The following XKR6 variants were observed in gnomAD, a reference collection of about 807,000 sequenced individuals.
XKR6 encodes XK-related protein 6.
Under a neutral mutation model 56.7 loss-of-function variants are expected in XKR6, and 22 were observed. That is an observed-to-expected ratio of 0.39 (90% confidence interval 0.28 to 0.55). XKR6 has a LOEUF of 0.55. XKR6 is among the 20% of genes least tolerant of loss of function. The probability of loss-of-function intolerance (pLI) is 0.66; values close to 1 mark genes in which losing one functional copy is unlikely to be tolerated. For synonymous variants in XKR6, 524 were observed against 387.8 expected, an observed-to-expected ratio of 1.35 and a Z score of -4.13; for missense variants, 852 against 889.0, an observed-to-expected ratio of 0.96 and a Z score of 0.53.
At position 11,122,378 on chromosome 8, in the gene XKR6, T is replaced by C. The variant is rs114494497; in HGVS notation, c.764+78198A>G. On this transcript the variant is annotated intron_variant, in intron 1 of 2. Transcript: ENST00000416569. Reference sequence around the variant, plus strand: ...GCCCCAAATCAACACTAACCAGAGATAGAATACTTTAGTTATATAGCTGAA... The same window carrying C: ...GCCCCAAATCAACACTAACCAGAGACAGAATACTTTAGTTATATAGCTGAA... Among the ~76,000 whole-genome samples the C allele has an allele frequency of 3.2e-3, 492 of 152,334 alleles. 3 individuals are homozygous for C. Among genetic ancestry groups the C allele is most frequent in the African/African-American group, 0.011 (469 of 41,568 alleles).
intron 1 of XKR6, among the ~76,000 whole-genome samples, chr8:10,988,467 A>T (rs1797913893): frequency 6.6e-6 from 1 of 152,230 alleles, no homozygotes; most frequent in Non-Finnish European, 1.5e-5. Flanking sequence ...ACACACAGAC[A>T]CTACCTCCAT....
intron 1 of XKR6, among the ~76,000 whole-genome samples, chr8:11,116,705 A>C (rs1029530095): frequency 8.5e-5 from 13 of 152,200 alleles, no homozygotes; most frequent in Non-Finnish European, 1.6e-4. Context: ...AACTAAAAGC[A>C]GCTGAGAGGT....
At chr8:11,186,763 G>A (rs1406938893) in intron 1 of XKR6, among the ~76,000 whole-genome samples, 1 of 152,128 alleles carries the variant, frequency 6.6e-6, no homozygotes, top group Non-Finnish European at 1.5e-5. Context: ...GTTGAGCCCT[G>A]AGGATGTCGA....
At chr8:10,913,384 A>G (rs1800465741) in intron 2 of XKR6, among the ~76,000 whole-genome samples, 2 of 152,056 alleles carry the variant, frequency 1.3e-5, no homozygotes, top group Admixed American at 6.5e-5. Flanking sequence ...AATGAGGCTC[A>G]CAGAGGTTAA....
chr8:10,908,363 C>T (rs1274876541), intron 2 of XKR6, among the ~76,000 whole-genome samples: 1 of 147,594 alleles, frequency 6.8e-6, no homozygotes, highest in Non-Finnish European at 1.5e-5. Flanking sequence ...GCCGGCAGGG[C>T]TGCCCTGCCA....
chr8:11,121,538 G>A (rs1799453414), intron 1 of XKR6, among the ~76,000 whole-genome samples: 1 of 152,208 alleles, frequency 6.6e-6, no homozygotes, highest in South Asian at 2.1e-4. Flanking sequence ...GGAAACAACA[G>A]GTGCTGGAGA....
chr8:11,174,654 G>A (rs547457855), intron 1 of XKR6, among the ~76,000 whole-genome samples: 1 of 152,328 alleles, frequency 6.6e-6, no homozygotes, highest in South Asian at 2.1e-4. Context: ...GTTACAAAGA[G>A]CACCAAGTGT....
chr8:10,952,931 A>C (rs1340934973), intron 1 of XKR6, among the ~76,000 whole-genome samples: 2 of 152,062 alleles, frequency 1.3e-5, no homozygotes, highest in Non-Finnish European at 2.9e-5. Context: ...TTAGATTCCC[A>C]CAGGACTGTA....
intron 1 of XKR6, among the ~76,000 whole-genome samples, chr8:10,971,701 C>T (rs1047052263): frequency 4.6e-5 from 7 of 152,102 alleles, no homozygotes; most frequent in African/African-American, 1.7e-4. Flanking sequence ...GGAAATATCC[C>T]CTCTTGCCAA....
At chr8:10,998,818 C>G (rs934829785) in intron 1 of XKR6, among the ~76,000 whole-genome samples, 14 of 152,224 alleles carry the variant, frequency 9.2e-5, no homozygotes, top group African/African-American at 3.4e-4. Flanking sequence ...AGTCCCAGAT[C>G]CCACAGATTC....
intron 1 of XKR6, among the ~76,000 whole-genome samples, chr8:11,156,743 C>T (rs1269883935): frequency 6.6e-6 from 1 of 152,016 alleles, no homozygotes; most frequent in East Asian, 1.9e-4. Context: ...AAGACAAAAT[C>T]TTGCTTACAG....
intron 1 of XKR6, among the ~76,000 whole-genome samples, chr8:10,928,631 T>C (rs996302324): frequency 6.8e-6 from 1 of 147,968 alleles, no homozygotes; most frequent in African/African-American, 2.7e-5. Flanking sequence ...ACCCTAAGCG[T>C]CGCGGAAACG....
chr8:11,086,148 A>ATATATATATATATATATATATATATTTT, intron 1 of XKR6, among the ~76,000 whole-genome samples: 1 of 120,722 alleles, frequency 8.3e-6, no homozygotes, highest in African/African-American at 3.9e-5. Context: ...ATATATATAT[A>ATATATATATATATATATATATATATTTT]TTTTTTTTTA....
chr8:11,128,944 A>G (rs1199655271), intron 1 of XKR6: 1 of 456,620 alleles, frequency 2.2e-6, no homozygotes. Context: ...TTAATAAAGC[A>G]GCCAGAAAGT....
chr8:10,987,604 C>T lies in XKR6; in HGVS notation c.765-62774G>A, dbSNP rs767803276. ...TGGCTTCCATTCCTCCCCACATTCC[C>T]ACAGTGTATTCTGGACACAGTGAGA... On this transcript the variant is annotated intron_variant, in intron 1 of 2. Transcript: ENST00000416569. Among the ~76,000 whole-genome samples the T allele has an allele frequency of 9.8e-5, 15 of 152,314 alleles. 1 individual carries two copies. In the Middle Eastern group the frequency reaches 0.017, roughly 174 times the overall value.
chr8:11,085,825 G>A (rs1056885777), intron 1 of XKR6, among the ~76,000 whole-genome samples: 2 of 152,140 alleles, frequency 1.3e-5, no homozygotes, highest in African/African-American at 4.8e-5. Flanking sequence ...AGCCACTGCC[G>A]CCGGAGCAAG....
chr8:10,985,871 G>T (rs1320190948), intron 1 of XKR6, among the ~76,000 whole-genome samples: 1 of 152,164 alleles, frequency 6.6e-6, no homozygotes, highest in African/African-American at 2.4e-5. Context: ...CTCCCAGAGC[G>T]CTGGGATTAC....
chr8:11,106,938 T>C (rs1198210520), intron 1 of XKR6, among the ~76,000 whole-genome samples: 1 of 151,758 alleles, frequency 6.6e-6, no homozygotes, highest in Non-Finnish European at 1.5e-5. Flanking sequence ...CCCACATCTA[T>C]TCTACTTCCC....
At chr8:10,976,195 C>A (rs1276221597) in intron 1 of XKR6, among the ~76,000 whole-genome samples, 1 of 151,876 alleles carries the variant, frequency 6.6e-6, no homozygotes, top group East Asian at 1.9e-4. Flanking sequence ...AAAAAGTGCC[C>A]CCCCCCAACC....
Sources: allele counts gnomAD v4.1 joint callset (sites outside exome capture counted in the v4.1 genomes callset), GRCh38; gene constraint gnomAD v4.1.1; transcripts MANE v1.5; gene names NCBI Gene and HGNC (gene_info 2026-07-23, HGNC 2026-07-21).